Variants in AGAP1 observed in about 807,000 individuals in gnomAD.
AGAP1 encodes arf-GAP with GTPase, ANK repeat and PH domain-containing protein 1.
AGAP1 carries 29 observed loss-of-function variants against 105.3 expected under a neutral mutation model. The ratio of observed to expected loss-of-function variants is 0.28; its 90% CI spans 0.21 to 0.38. The LOEUF (loss-of-function observed/expected upper bound fraction) is 0.38, where lower values mean the gene tolerates loss of function less well. Among genes scored for constraint, AGAP1 ranks in the 10% least tolerant of loss-of-function variants. The probability of loss-of-function intolerance (pLI) is 1.00; values close to 1 mark genes in which losing one functional copy is unlikely to be tolerated. For synonymous variants in AGAP1, 509 were observed against 485.9 expected, an observed-to-expected ratio of 1.05 and a Z score of -0.63; for missense variants, 998 against 1,165.1, an observed-to-expected ratio of 0.86 and a Z score of 2.09.
chr2:235,730,292 G>C (rs1951869905), intron 3 of AGAP1, among the ~76,000 whole-genome samples: 1 of 152,038 alleles, frequency 6.6e-6, no homozygotes, highest in African/African-American at 2.4e-5. Context: ...TAACTGCCAA[G>C]GGTCCCCTGC....
In AGAP1 at chr2:236,047,486, G is replaced by A. The variant is rs567107209; in HGVS notation, c.1892-1573G>A. Among the ~76,000 whole-genome samples, 4 of 151,194 alleles carry A rather than the reference G, an allele frequency of 2.6e-5. No homozygotes were observed. In the South Asian group the frequency reaches 8.4e-4, roughly 32 times the overall value. On this transcript the variant is annotated intron_variant, in intron 15 of 17. Coordinates refer to ENST00000304032, the MANE Select transcript of AGAP1 (RefSeq NM_001037131.3). ...GGTTCTGACTGCGCTTTTCAGCGTT[G>A]AGTCTCTGCATTTCTCTGTTCTCTT... is the stretch of plus-strand genomic sequence containing the variant.
intron 1 of AGAP1, among the ~76,000 whole-genome samples, chr2:235,649,391 A>G (rs1444796661): frequency 6.6e-6 from 1 of 152,170 alleles, no homozygotes; most frequent in Non-Finnish European, 1.5e-5. Context: ...ACTTTTATTT[A>G]AAGACAGATT....
intron 1 of AGAP1, among the ~76,000 whole-genome samples, chr2:235,706,954 C>A (rs1175214354): frequency 6.6e-6 from 1 of 152,232 alleles, no homozygotes; most frequent in African/African-American, 2.4e-5. Flanking sequence ...GGTATTAAGA[C>A]ACAATTAGTT....
chr2:236,118,515 G>T (rs185121439), intron 16 of AGAP1, among the ~76,000 whole-genome samples: 1 of 149,676 alleles, frequency 6.7e-6, no homozygotes, highest in Non-Finnish European at 1.5e-5. Flanking sequence ...TCGGCTTCCC[G>T]AGTAGCTGGG....
chr2:235,948,428 C>T (rs1224877216), intron 12 of AGAP1, among the ~76,000 whole-genome samples: 1 of 152,128 alleles, frequency 6.6e-6, no homozygotes, highest in Non-Finnish European at 1.5e-5. Context: ...TCTGTGTTCC[C>T]CCCACCTCCA....
chr2:235,892,815 A>G (rs1414640283), intron 10 of AGAP1, among the ~76,000 whole-genome samples: 1 of 152,170 alleles, frequency 6.6e-6, no homozygotes, highest in Non-Finnish European at 1.5e-5. Flanking sequence ...GAAACTTTTC[A>G]CTGGTTTCCC....
rs1473382756 is a variant in AGAP1 at position 236,012,956 on chromosome 2, A to G, written c.1646-23605A>G. Among the ~76,000 whole-genome samples the G allele has an allele frequency of 6.6e-6, 1 of 152,100 alleles. No homozygotes were observed. Among genetic ancestry groups the G allele is most frequent in the Non-Finnish European group, 1.5e-5 (1 of 68,020 alleles). On this transcript the variant is annotated intron_variant, in intron 13 of 17. Transcript: ENST00000304032. The surrounding 1 kb of genome is among the most constrained non-coding windows in gnomAD (Gnocchi z 4.9). The stretch of plus-strand genomic sequence containing the variant: ...GAGACGGTGTTTTGCCATGTTGGCC[A>G]GGCTGGTTTCGAACTTCTGTCCTCA...
At position 236,042,141 on chromosome 2, in the gene AGAP1, A is replaced by T. The variant is rs941107478; in HGVS notation, c.1891+1300A>T. Among the ~76,000 whole-genome samples, 45 of 152,142 alleles carry T rather than the reference A, an allele frequency of 3.0e-4. No homozygotes were observed. The highest frequency in any genetic ancestry group is 4.4e-5 in the Non-Finnish European group (3 of 68,040). ...TGGACCCTGAGCTCCACTTGGGGAG[A>T]TGGATCTGGCCAGACCATTTTGAAC... On this transcript the variant is annotated intron_variant, in intron 15 of 17. Coordinates refer to ENST00000304032, the MANE Select transcript of AGAP1 (RefSeq NM_001037131.3). This position sits in a 1 kb window ranked among gnomAD's most constrained non-coding sequence, Gnocchi z 5.6.
At chr2:235,594,739 A>T (rs978081688) in intron 1 of AGAP1, among the ~76,000 whole-genome samples, 6 of 151,698 alleles carry the variant, frequency 4.0e-5, no homozygotes, top group East Asian at 1.9e-4. Flanking sequence ...ACCCAGCTAA[A>T]TTTTTTGTAT....
chr2:236,046,522 C>T lies in AGAP1; in HGVS notation c.1892-2537C>T, dbSNP rs186878474. Among the ~76,000 whole-genome samples, 84 of 152,260 alleles carry T rather than the reference C, an allele frequency of 5.5e-4. No homozygotes were observed. Among genetic ancestry groups the T allele is most frequent in the African/African-American group, 2.0e-3 (82 of 41,560 alleles). ...AAGAATTAAGGTGGACCCCTGGGGT[C>T]CCAGCTTGAATAGCTGGGACAGGAG... is the stretch of plus-strand genomic sequence containing the variant. On this transcript the variant is annotated intron_variant, in intron 15 of 17. Transcript: ENST00000304032. This position sits in a 1 kb window ranked among gnomAD's most constrained non-coding sequence, Gnocchi z 5.2.
chr2:235,744,603 G>A lies in AGAP1; in HGVS notation c.397-95G>A. The A allele has an allele frequency of 6.7e-7, 1 of 1,495,970 alleles. No individual in the cohort carries two copies. Among genetic ancestry groups the A allele is most frequent in the East Asian group, 2.3e-5 (1 of 44,074 alleles). 92.7% of individuals were successfully genotyped at this position (1,495,970 alleles called of 1,614,324 possible). The stretch of plus-strand genomic sequence containing the variant: ...CCAGTGTGTGACCGAGGGGATTCCT[G>A]CAGCCCCCTGCTGCCTGCCGCCATG... On this transcript the variant is annotated intron_variant, in intron 4 of 17. Transcript: ENST00000304032. The surrounding 1 kb of genome is among the most constrained non-coding windows in gnomAD (Gnocchi z 5.2).
chr2:235,623,313 G>A lies in AGAP1; in HGVS notation c.164-85866G>A, dbSNP rs996029161. 6.6e-6 allele frequency among the ~76,000 whole-genome samples: 1 copy of A among 152,224 alleles called. No individual in the cohort carries two copies. Among genetic ancestry groups the A allele is most frequent in the African/African-American group, 2.4e-5 (1 of 41,460 alleles). On this transcript the variant is annotated intron_variant, in intron 1 of 17. Coordinates refer to ENST00000304032, the MANE Select transcript of AGAP1 (RefSeq NM_001037131.3). The surrounding 1 kb of genome is among the most constrained non-coding windows in gnomAD (Gnocchi z 4.5). ...GCATGTCAAATGAATCTGGGCGTTA[G>A]CCTACAAATCAAGATTTGCTTTGCC...
chr2:235,764,021 T>C (rs531441047), intron 6 of AGAP1, among the ~76,000 whole-genome samples: 9 of 152,144 alleles, frequency 5.9e-5, no homozygotes, highest in Non-Finnish European at 2.9e-5. Context: ...CTGTGACCCG[T>C]GCGTGGCTTT....
intron 9 of AGAP1, among the ~76,000 whole-genome samples, chr2:235,810,222 T>C (rs980914089): frequency 4.6e-5 from 7 of 152,234 alleles, no homozygotes; most frequent in Non-Finnish European, 8.8e-5. Flanking sequence ...ACAGCCCTGC[T>C]CAGCCATTCT....
intron 1 of AGAP1, among the ~76,000 whole-genome samples, chr2:235,538,822 A>T (rs994242996): frequency 6.6e-6 from 1 of 152,188 alleles, no homozygotes; most frequent in Non-Finnish European, 1.5e-5. Flanking sequence ...CTAGTGTGGG[A>T]AAGCTTACTT....
intron 10 of AGAP1, among the ~76,000 whole-genome samples, chr2:235,898,288 GT>G (rs2050902716): frequency 6.6e-6 from 1 of 151,730 alleles, no homozygotes; most frequent in Admixed American, 6.6e-5. Flanking sequence ...GGGGCCTTTT[GT>G]TTTTCCCCCT....
intron 16 of AGAP1, among the ~76,000 whole-genome samples, chr2:236,084,946 G>A (rs2058886089): frequency 6.7e-6 from 1 of 149,806 alleles, no homozygotes; most frequent in Non-Finnish European, 1.5e-5. Flanking sequence ...CGGGCACGGT[G>A]GCTCACGCCT....
At chr2:235,990,536 A>G (rs555519023) in intron 13 of AGAP1, among the ~76,000 whole-genome samples, 1 of 152,346 alleles carries the variant, frequency 6.6e-6, no homozygotes, top group Non-Finnish European at 1.5e-5. Context: ...ACACCTACAC[A>G]TGACCTCTGC....
In AGAP1 at chr2:235,799,859, GTC is replaced by G. The variant is rs1464697907; in HGVS notation, c.957+341_957+342del. Among the ~76,000 whole-genome samples, 1 of 152,102 alleles carries G rather than the reference GTC, an allele frequency of 6.6e-6. No homozygotes were observed. The highest frequency in any genetic ancestry group is 1.5e-5 in the Non-Finnish European group (1 of 68,036). On this transcript the variant is annotated intron_variant, in intron 8 of 17. Coordinates refer to ENST00000304032, the MANE Select transcript of AGAP1 (RefSeq NM_001037131.3). This position sits in a 1 kb window ranked among gnomAD's most constrained non-coding sequence, Gnocchi z 5.0. The stretch of plus-strand genomic sequence containing the variant: ...AAAACTCTAAGATTCCCAGATGTGT[GTC>G]TCTAACCGTTCAGATGATATATAAG...
Sources: allele counts gnomAD v4.1 joint callset (sites outside exome capture counted in the v4.1 genomes callset), GRCh38; gene constraint gnomAD v4.1.1; non-coding constraint Gnocchi (gnomAD v3.1); transcripts MANE v1.5; gene names NCBI Gene and HGNC (gene_info 2026-07-23, HGNC 2026-07-21).